Variants in ZNF469 observed in about 807,000 individuals in gnomAD.
ZNF469 encodes the protein zinc finger protein 469.
A neutral mutation model predicts 1.0 loss-of-function variants in ZNF469; 1 was observed. The observed-to-expected ratio is 1.00, with a 90% CI of 0.35 to 4.73. The LOEUF is 4.73. Among genes scored for constraint, ZNF469 ranks in the 30% most tolerant of loss-of-function variants. ZNF469 has a pLI of 0.16. For synonymous variants in ZNF469, 2,703 were observed against 2,363.4 expected (o/e 1.14, Z -4.17); for missense variants, 6,100 against 5,356.3 (o/e 1.14, Z -4.33).
At chr16:88,326,311 A>G in the ZNF469 span, among the ~76,000 whole-genome samples, 64 of 152,306 alleles carry the variant, frequency 4.2e-4, no homozygotes, top group African/African-American at 1.5e-3. Context: ...GCCTGCTGCC[A>G]TCCATTTAAG....
chr16:88,110,464 C>A, the ZNF469 span, among the ~76,000 whole-genome samples: 1 of 152,240 alleles, frequency 6.6e-6, no homozygotes, highest in African/African-American at 2.4e-5. Context: ...CTGGTTGTTC[C>A]AATTCAGTTT....
At chr16:88,418,324 C>T (rs891028227) in intron 1 of ZNF469, among the ~76,000 whole-genome samples, 6 of 151,262 alleles carry the variant, frequency 4.0e-5, no homozygotes, top group African/African-American at 1.5e-4. Context: ...CTCGGTGAGG[C>T]CGTGGAGGGT....
intron 1 of ZNF469, among the ~76,000 whole-genome samples, chr16:88,410,288 C>T (rs374936452): frequency 5.2e-4 from 73 of 139,472 alleles, no homozygotes; most frequent in African/African-American, 4.7e-4. Context: ...TCTATGATAC[C>T]GTTGATAGTG....
At chr16:88,261,438 G>C in the ZNF469 span, among the ~76,000 whole-genome samples, 2 of 152,136 alleles carry the variant, frequency 1.3e-5, no homozygotes, top group African/African-American at 4.8e-5. The surrounding 1 kb of genome is among the most constrained non-coding windows in gnomAD (Gnocchi z 6.0). Context: ...CATGCCCCCC[G>C]CTGAGGAATT....
chr16:88,240,079 C>T, the ZNF469 span, among the ~76,000 whole-genome samples: 1 of 150,570 alleles, frequency 6.6e-6, no homozygotes, highest in East Asian at 2.0e-4. Flanking sequence ...AACACCCATG[C>T]CCATTGGTGA....
At chr16:88,384,431 C>T (rs997919737) in intron 1 of ZNF469, among the ~76,000 whole-genome samples, 1 of 152,186 alleles carries the variant, frequency 6.6e-6, no homozygotes, top group Non-Finnish European at 1.5e-5. Context: ...TGGACAGCGT[C>T]GGGCGTGAGG....
chr16:88,381,294 A>T (rs542728841), upstream of ZNF469, among the ~76,000 whole-genome samples: 3 of 150,150 alleles, frequency 2.0e-5, no homozygotes, highest in South Asian at 4.2e-4. Flanking sequence ...ACACGCACTC[A>T]CACACATGCA....
chr16:88,185,730 ACACG>A, the ZNF469 span, among the ~76,000 whole-genome samples: 2 of 141,654 alleles, frequency 1.4e-5, no homozygotes, highest in African/African-American at 5.3e-5. Flanking sequence ...ACATGCATAC[ACACG>A]CATACACACT....
the ZNF469 span, among the ~76,000 whole-genome samples, chr16:88,369,231 G>A: frequency 4.6e-5 from 7 of 152,108 alleles, no homozygotes; most frequent in East Asian, 7.7e-4. Context: ...CCCACCCCAC[G>A]CTGGGGAATA....
At chr16:88,270,568 A>G in the ZNF469 span, among the ~76,000 whole-genome samples, 1 of 152,222 alleles carries the variant, frequency 6.6e-6, no homozygotes, top group Non-Finnish European at 1.5e-5. Context: ...AGACAGTGAC[A>G]TTCCATCCGT....
At chr16:88,332,464 C>T in the ZNF469 span, among the ~76,000 whole-genome samples, 2 of 152,250 alleles carry the variant, frequency 1.3e-5, no homozygotes, top group South Asian at 2.1e-4. Context: ...TTGGGCACAG[C>T]CTTGCCGCTG....
chr16:88,396,711 C>T (rs1285048047), intron 1 of ZNF469, among the ~76,000 whole-genome samples: 1 of 147,112 alleles, frequency 6.8e-6, no homozygotes, highest in Non-Finnish European at 1.5e-5. Context: ...CAGATGGAAA[C>T]CCTCCTGAAG....
chr16:88,256,896 T>TCTC, the ZNF469 span, among the ~76,000 whole-genome samples: 47 of 27,132 alleles, frequency 1.7e-3, no homozygotes, highest in African/African-American at 5.9e-3. Context: ...TTTTCTTTCC[T>TCTC]TCTTTCTTTC....
intron 1 of ZNF469, among the ~76,000 whole-genome samples, chr16:88,397,690 G>C (rs566213975): frequency 1.4e-5 from 1 of 72,042 alleles, no homozygotes; most frequent in Non-Finnish European, 3.0e-5. Flanking sequence ...AGATGTGATA[G>C]AGACACATAG....
At chr16:88,206,451 A>C in the ZNF469 span, among the ~76,000 whole-genome samples, 5 of 152,266 alleles carry the variant, frequency 3.3e-5, no homozygotes, top group East Asian at 9.7e-4. Context: ...GCCCTTTCAT[A>C]ACCGCAGCTC....
upstream of ZNF469, among the ~76,000 whole-genome samples, chr16:88,381,074 GCACT>G (rs1431389946): frequency 9.5e-6 from 1 of 105,470 alleles, no homozygotes; most frequent in Admixed American, 1.0e-4. Flanking sequence ...ACACAGGCAT[GCACT>G]CACACACGCA....
the ZNF469 span, among the ~76,000 whole-genome samples, chr16:88,243,219 T>C: frequency 4.4e-3 from 669 of 152,306 alleles, 22 homozygotes; most frequent in Admixed American, 0.031. Context: ...CCACCTGAGA[T>C]AGTCAGTGTT....
the ZNF469 span, chr16:88,100,950 C>G: frequency 3.6e-6 from 1 of 281,124 alleles, no homozygotes; most frequent in Non-Finnish European, 6.9e-6. Context: ...AGACGCAGCC[C>G]CAACGCGCTG....
the ZNF469 span, among the ~76,000 whole-genome samples, chr16:88,338,720 G>C: frequency 2.6e-5 from 4 of 152,172 alleles, no homozygotes; most frequent in African/African-American, 9.7e-5. Context: ...CTTATCAGAA[G>C]GGGGGATATG....
Sources: allele counts gnomAD v4.1 joint callset (sites outside exome capture counted in the v4.1 genomes callset), GRCh38; gene constraint gnomAD v4.1.1; non-coding constraint Gnocchi (gnomAD v3.1); transcripts MANE v1.5; gene names NCBI Gene and HGNC (gene_info 2026-07-23, HGNC 2026-07-21).